Variants in PXDC1 observed in about 807,000 individuals in gnomAD.
PXDC1 encodes PX domain containing 1.
In PXDC1, 13 loss-of-function variants were observed where a neutral mutation model predicts 24.4. The ratio of observed to expected loss-of-function variants is 0.53; its 90% CI spans 0.35 to 0.85. The LOEUF (loss-of-function observed/expected upper bound fraction) is 0.85, where lower values mean the gene tolerates loss of function less well. Among genes scored for constraint, PXDC1 ranks in the 40% least tolerant of loss-of-function variants. PXDC1 has a pLI of 0.01. For missense variants in PXDC1, 344 were observed against 309.3 expected (o/e 1.11, Z -0.84); for synonymous variants, 162 against 124.9 (o/e 1.30, Z -1.98).
At chr6:3,732,872 G>A (rs529732284) in intron 3 of PXDC1, among the ~76,000 whole-genome samples, 2 of 152,216 alleles carry the variant, frequency 1.3e-5, no homozygotes, top group East Asian at 3.9e-4. Flanking sequence ...GTATGTCAGT[G>A]GCATAAGAAA....
intron 1 of PXDC1, 118 bp from the exon 2 acceptor site, chr6:3,738,266 G>A: frequency 1.3e-6 from 1 of 772,372 alleles, no homozygotes; most frequent in Non-Finnish European, 2.2e-6. Context: ...TGAGATGTCG[G>A]GAACATTCAT....
Position 3,727,586 on chromosome 6 carries a change from T to C in PXDC1, c.543A>G (p.Arg181=). The change falls in exon 4 of 5, where the codon AGA becomes AGG. Residue 181 remains arginine (R), a synonymous_variant. Transcript: ENST00000380283. ...TTGGGTCCACGCCCAGCTGCTGGTCTCTTCCATTTGGTATACTGTGGTCAA... is the reference window on the plus strand; with the variant it reads ...TTGGGTCCACGCCCAGCTGCTGGTCCCTTCCATTTGGTATACTGTGGTCAA... ...IVIDHSIPNG[R]DQQLGVDPTE... 1 of 1,613,256 alleles carries C rather than the reference T, an allele frequency of 6.2e-7. No homozygotes were observed. The highest frequency in any genetic ancestry group is 8.5e-7 in the Non-Finnish European group (1 of 1,179,142).
At chr6:3,747,580 G>T (rs113460093) in intron 1 of PXDC1, among the ~76,000 whole-genome samples, 2 of 152,130 alleles carry the variant, frequency 1.3e-5, no homozygotes, top group African/African-American at 4.8e-5. Context: ...GCCTAGAATC[G>T]ACTTCCCCAG....
Position 3,751,569 on chromosome 6 carries a change from G to T in PXDC1, c.-38C>A, listed in dbSNP as rs1348781473. 1.4e-6 allele frequency: 2 copies of T among 1,473,700 alleles called. No homozygotes were observed. Among genetic ancestry groups the T allele is most frequent in the African/African-American group, 1.5e-5 (1 of 68,120 alleles). 91.3% of individuals were successfully genotyped at this position (1,473,700 alleles called of 1,614,324 possible). ...CCCCCGCCAAGGGCTCCCCAGCCCC[G>T]CCGCCCGCCCGCCCGCAGGAGGCGC... On this transcript the variant is annotated 5_prime_UTR_variant, in exon 1 of 5. Transcript: ENST00000380283.
rs1052841610 is a variant in PXDC1 at position 3,737,779 on chromosome 6, C to T, written c.348+278G>A. The T allele has an allele frequency of 3.7e-5, 25 of 680,798 alleles. No homozygotes were observed. The highest frequency in any genetic ancestry group is 1.8e-4 in the African/African-American group (9 of 51,218). The allele number at this position is 680,798 out of a possible 1,614,324, so 42.2% of individuals were successfully genotyped here. A position where few individuals can be genotyped will look rare whatever the true frequency, so the allele number is the denominator to read the frequency against. On this transcript the variant is annotated intron_variant, in intron 2 of 4. Transcript: ENST00000380283. The surrounding 1 kb of genome is among the most constrained non-coding windows in gnomAD (Gnocchi z 5.5). ...GCCTCCTGCAGCCAGAGGGGATCCG[C>T]ACCCTTCCACCCATGCCTCCTTGCA... is the stretch of plus-strand genomic sequence containing the variant.
chr6:3,726,020 G>A (rs1348993663), intron 4 of PXDC1, among the ~76,000 whole-genome samples: 1 of 152,138 alleles, frequency 6.6e-6, no homozygotes, highest in Non-Finnish European at 1.5e-5. Context: ...CCTCTGGCCC[G>A]GCTTTCTTCC....
chr6:3,747,249 T>G (rs1403568087), intron 1 of PXDC1, among the ~76,000 whole-genome samples: 1 of 152,048 alleles, frequency 6.6e-6, no homozygotes, highest in Admixed American at 6.6e-5. Context: ...CCACACCCCA[T>G]GTCTGGCCTT....
At position 3,737,342 on chromosome 6, in the gene PXDC1, C is replaced by G; in HGVS notation, c.349-146G>C. The G allele has an allele frequency of 1.5e-6, 1 of 661,218 alleles. No homozygotes were observed. Among genetic ancestry groups the G allele is most frequent in the Non-Finnish European group, 2.6e-6 (1 of 379,558 alleles). The allele number at this position is 661,218 out of a possible 1,614,324, so 41.0% of individuals were successfully genotyped here. Reference sequence around the variant, plus strand: ...AATGTCCAGATGCTCCCATGGCTGGCCGCAGGGGCGGGGCTGCCATCACTG... The same window carrying G: ...AATGTCCAGATGCTCCCATGGCTGGGCGCAGGGGCGGGGCTGCCATCACTG... On this transcript the variant is annotated intron_variant, in intron 2 of 4. Coordinates refer to ENST00000380283, the MANE Select transcript of PXDC1 (RefSeq NM_183373.4). This position sits in a 1 kb window ranked among gnomAD's most constrained non-coding sequence, Gnocchi z 5.5.
intron 3 of PXDC1, among the ~76,000 whole-genome samples, chr6:3,733,022 G>A (rs773052712): frequency 1.3e-5 from 2 of 152,256 alleles, no homozygotes; most frequent in Non-Finnish European, 2.9e-5. Context: ...GCAGGAGGCT[G>A]AGGCTCTGGA....
At chr6:3,740,269 G>A (rs950685782) in intron 1 of PXDC1, among the ~76,000 whole-genome samples, 2 of 152,108 alleles carry the variant, frequency 1.3e-5, no homozygotes, top group Non-Finnish European at 2.9e-5. Context: ...CTCTTGGTTG[G>A]GTTGATAACC....
chr6:3,727,972 A>T (rs981063801), intron 3 of PXDC1, among the ~76,000 whole-genome samples: 1 of 152,128 alleles, frequency 6.6e-6, no homozygotes, highest in African/African-American at 2.4e-5. Flanking sequence ...AAGAAGGAGT[A>T]CTGGGCTCAA....
chr6:3,742,403 T>C (rs1004207970), intron 1 of PXDC1, among the ~76,000 whole-genome samples: 1 of 152,246 alleles, frequency 6.6e-6, no homozygotes, highest in African/African-American at 2.4e-5. Flanking sequence ...CAAATATTGT[T>C]GATGGCATGA....
At chr6:3,726,999 C>G (rs1760085024) in intron 4 of PXDC1, among the ~76,000 whole-genome samples, 1 of 152,202 alleles carries the variant, frequency 6.6e-6, no homozygotes, top group Non-Finnish European at 1.5e-5. Context: ...CCCTGGTGCC[C>G]CCAGAATTCA....
Position 3,725,742 on chromosome 6 carries a change from T to C in PXDC1, c.578+1809A>G, listed in dbSNP as rs1760049542. ...GTGCCGTGTAGAAACAGATCGTCCC[T>C]GTGAGACACTGGAGCTGGACCATCG... On this transcript the variant is annotated intron_variant, in intron 4 of 4. Coordinates refer to ENST00000380283, the MANE Select transcript of PXDC1 (RefSeq NM_183373.4). This position sits in a 1 kb window ranked among gnomAD's most constrained non-coding sequence, Gnocchi z 4.8. Among the ~76,000 whole-genome samples the C allele has an allele frequency of 6.6e-6, 1 of 152,154 alleles. No homozygotes were observed. The highest frequency in any genetic ancestry group is 6.5e-5 in the Admixed American group (1 of 15,278).
rs149373930 is a variant in PXDC1 at position 3,751,394 on chromosome 6, C to G, written c.138G>C (p.Ser46=). ...EEFFEIRTEW[S]DRSVLYLHRS... is the part of the protein sequence containing the mutation. The stretch of plus-strand genomic sequence containing the variant: ...GGTGCAGGTAGAGCACGCTGCGGTC[C>G]GACCACTCCGTGCGGATCTCGAAGA... Residue 46 remains serine (S), a synonymous_variant, in exon 1 of 5, where the codon TCG becomes TCC. Coordinates refer to ENST00000380283, the MANE Select transcript of PXDC1 (RefSeq NM_183373.4). 3.2e-6 allele frequency: 5 copies of G among 1,571,444 alleles called. No homozygotes were observed. The South Asian group carries it at 3.5e-5, about 11-fold the overall frequency.
intron 1 of PXDC1, among the ~76,000 whole-genome samples, chr6:3,741,504 C>A (rs1760447890): frequency 6.6e-6 from 1 of 152,250 alleles, no homozygotes; most frequent in African/African-American, 2.4e-5. Context: ...AGCTGGCAAT[C>A]TGGATCAGCT....
At position 3,751,487 on chromosome 6, in the gene PXDC1, G is replaced by A. The variant is rs1222814553; in HGVS notation, c.45C>T (p.Phe15=). 6.9e-6 allele frequency: 11 copies of A among 1,604,136 alleles called. No individual in the cohort carries two copies. Among genetic ancestry groups the A allele is most frequent in the East Asian group, 2.3e-5 (1 of 44,440 alleles). Residue 15 remains phenylalanine, a synonymous_variant, in exon 1 of 5, where the codon TTC becomes TTT. Transcript: ENST00000380283. Reference sequence around the variant, plus strand: ...TGCCGTTCACCCAGCAGCCGCGCACGAACATGTTCACGAGCGACGTGCCCT... The same window carrying A: ...TGCCGTTCACCCAGCAGCCGCGCACAAACATGTTCACGAGCGACGTGCCCT... ...VFEGTSLVNM[F]VRGCWVNGIR...
At chr6:3,746,810 G>A (rs1760581930) in intron 1 of PXDC1, among the ~76,000 whole-genome samples, 1 of 152,094 alleles carries the variant, frequency 6.6e-6, no homozygotes, top group Admixed American at 6.5e-5. Context: ...TCCCCTCACT[G>A]TCCACCCGAG....
intron 1 of PXDC1, among the ~76,000 whole-genome samples, chr6:3,744,211 A>G (rs1000210307): frequency 6.6e-6 from 1 of 152,216 alleles, no homozygotes; most frequent in African/African-American, 2.4e-5. Flanking sequence ...TCCGTCCTGC[A>G]GCATCACAGG....
Sources: allele counts gnomAD v4.1 joint callset (sites outside exome capture counted in the v4.1 genomes callset), GRCh38; gene constraint gnomAD v4.1.1; non-coding constraint Gnocchi (gnomAD v3.1); transcripts MANE v1.5; gene names NCBI Gene and HGNC (gene_info 2026-07-23, HGNC 2026-07-21).